The following RABGAP1L variants were observed in gnomAD, a reference collection of about 807,000 sequenced individuals.
RABGAP1L encodes rab GTPase-activating protein 1-like.
RABGAP1L carries 63 observed loss-of-function variants against 137.7 expected under a neutral mutation model. The ratio of observed to expected loss-of-function variants is 0.46; its 90% CI spans 0.37 to 0.56. RABGAP1L has a LOEUF of 0.56. Ranked by LOEUF, RABGAP1L falls within the 20% of genes least tolerant of loss-of-function variation. The pLI, the probability that RABGAP1L is intolerant of heterozygous loss-of-function variation, is 0.00. For missense variants in RABGAP1L, 1,095 were observed against 1,244.0 expected (o/e 0.88, Z 1.80); for synonymous variants, 431 against 433.7 (o/e 0.99, Z 0.08).
Position 174,531,750 on chromosome 1 carries a change from G to A in RABGAP1L, c.1711-105625G>A, listed in dbSNP as rs75099572. 8.0e-5 allele frequency among the ~76,000 whole-genome samples: 10 copies of A among 125,554 alleles called. No individual in the cohort carries two copies. The East Asian group carries it at 2.8e-3, about 35-fold the overall frequency. The allele number at this position is 125,554 out of a possible 152,430, so 82.4% of individuals were successfully genotyped here. A position where few individuals can be genotyped will look rare whatever the true frequency, so the allele number is the denominator to read the frequency against. On this transcript the variant is annotated intron_variant, in intron 13 of 25. Coordinates refer to ENST00000681986, the MANE Select transcript of RABGAP1L (RefSeq NM_001366446.1). Reference sequence around the variant, plus strand: ...TATGGTGAGATACTGTCTCGGGGGTGGGGGGGGGGAAGATATACCAAAACA... The same window carrying A: ...TATGGTGAGATACTGTCTCGGGGGTAGGGGGGGGGAAGATATACCAAAACA...
At chr1:174,310,888 C>G (rs1251107337) in intron 11 of RABGAP1L, among the ~76,000 whole-genome samples, 1 of 152,122 alleles carries the variant, frequency 6.6e-6, no homozygotes, top group Non-Finnish European at 1.5e-5. Context: ...TCATATAACT[C>G]TTTGAGTTAC....
intron 13 of RABGAP1L, among the ~76,000 whole-genome samples, chr1:174,470,563 T>C (rs776755033): frequency 1.3e-5 from 2 of 152,240 alleles, no homozygotes; most frequent in Non-Finnish European, 2.9e-5. Context: ...GGTCAGGAGT[T>C]CGAGACCAGC....
At chr1:174,497,657 C>T (rs1660865309) in intron 13 of RABGAP1L, among the ~76,000 whole-genome samples, 1 of 152,186 alleles carries the variant, frequency 6.6e-6, no homozygotes, top group African/African-American at 2.4e-5. Flanking sequence ...CTTTCCCTCC[C>T]ACTCTTTGCC....
chr1:174,699,415 C>A, intron 15 of RABGAP1L, 110 bp from the exon 16 acceptor site: 3 of 937,542 alleles, frequency 3.2e-6, no homozygotes, highest in Non-Finnish European at 4.6e-6. Context: ...ACTTCATTTG[C>A]TCCAGGCCTT....
chr1:174,660,597 G>A (rs74760131), intron 14 of RABGAP1L, among the ~76,000 whole-genome samples: 5 of 152,086 alleles, frequency 3.3e-5, no homozygotes, highest in South Asian at 2.1e-4. Flanking sequence ...ACATTCTTAC[G>A]GTGATTTACC....
intron 19 of RABGAP1L, among the ~76,000 whole-genome samples, chr1:174,865,069 G>GAGA (rs2149034332): frequency 6.6e-6 from 1 of 152,248 alleles, no homozygotes; most frequent in Admixed American, 6.5e-5. Context: ...CGTAAGCCAA[G>GAGA]AGATTGCGCC....
At chr1:174,756,190 C>G (rs1402311302) in intron 18 of RABGAP1L, among the ~76,000 whole-genome samples, 1 of 151,968 alleles carries the variant, frequency 6.6e-6, no homozygotes, top group Non-Finnish European at 1.5e-5. Flanking sequence ...GTTCTGTTGC[C>G]CAGGCTGCAG....
intron 14 of RABGAP1L, among the ~76,000 whole-genome samples, chr1:174,682,931 A>C (rs1379229662): frequency 6.6e-6 from 1 of 152,180 alleles, no homozygotes; most frequent in Non-Finnish European, 1.5e-5. Context: ...AAAGCATGGG[A>C]CAATGCTAAA....
chr1:174,598,475 G>T (rs1012852617), intron 13 of RABGAP1L, among the ~76,000 whole-genome samples: 2 of 152,088 alleles, frequency 1.3e-5, no homozygotes, highest in African/African-American at 4.8e-5. Context: ...TTTCAGTCTG[G>T]ATGATCTGTC....
In RABGAP1L at chr1:174,614,692, C is replaced by G. The variant is rs185703154; in HGVS notation, c.1711-22683C>G. Reference sequence around the variant, plus strand: ...GAGTGTTTTCCAACTTGGTTCCATTCTCCCCGTCACTTTCAGGTACACCAA... The same window carrying G: ...GAGTGTTTTCCAACTTGGTTCCATTGTCCCCGTCACTTTCAGGTACACCAA... On this transcript the variant is annotated intron_variant, in intron 13 of 25. Coordinates refer to ENST00000681986, the MANE Select transcript of RABGAP1L (RefSeq NM_001366446.1). 3.4e-3 allele frequency among the ~76,000 whole-genome samples: 516 copies of G among 152,314 alleles called. 9 individuals carry two copies. Among genetic ancestry groups the G allele is most frequent in the Admixed American group, 0.028 (434 of 15,298 alleles).
At chr1:174,325,344 A>T in intron 11 of RABGAP1L, among the ~76,000 whole-genome samples, 1 of 152,206 alleles carries the variant, frequency 6.6e-6, no homozygotes, top group East Asian at 1.9e-4. Flanking sequence ...TTAAAATGCA[A>T]TGTGGTTGGA....
At chr1:174,728,594 C>CTTTTTT (rs1294397296) in intron 17 of RABGAP1L, among the ~76,000 whole-genome samples, 10 of 114,642 alleles carry the variant, frequency 8.7e-5, no homozygotes, top group East Asian at 2.4e-4. Context: ...CTACCAGTGT[C>CTTTTTT]TTTTTTTTTT....
intron 1 of RABGAP1L, among the ~76,000 whole-genome samples, chr1:174,160,275 C>CA (rs1265030224): frequency 7.3e-6 from 1 of 136,302 alleles, no homozygotes; most frequent in South Asian, 2.3e-4. Flanking sequence ...CACCTCCCCC[C>CA]AACCCCCACC....
At chr1:174,296,060 T>C (rs554921797) in intron 10 of RABGAP1L, among the ~76,000 whole-genome samples, 1 of 152,168 alleles carries the variant, frequency 6.6e-6, no homozygotes, top group East Asian at 1.9e-4. Context: ...CAAATAAATA[T>C]AGAAGGATAA....
chr1:174,678,291 A>G (rs1313176595), intron 14 of RABGAP1L, among the ~76,000 whole-genome samples: 1 of 152,212 alleles, frequency 6.6e-6, no homozygotes, highest in East Asian at 1.9e-4. Flanking sequence ...AGATGGTTAA[A>G]GAAGAATTAA....
In RABGAP1L at chr1:174,992,476, T is replaced by C. The variant is rs192983473; in HGVS notation, c.*2475T>C. 1 of 152,074 alleles carries C rather than the reference T, an allele frequency of 6.6e-6. No individual in the cohort carries two copies. The highest frequency in any genetic ancestry group is 1.5e-5 in the Non-Finnish European group (1 of 68,014). The allele number at this position is 152,074 out of a possible 1,614,324, so 9.4% of individuals were successfully genotyped here. A position where few individuals can be genotyped will look rare whatever the true frequency, so the allele number is the denominator to read the frequency against. ...TCACCAGGTACATACCTCTCAAGTT[T>C]GATAAGTCCATCTTTTGAGTTTTCT... On this transcript the variant is annotated 3_prime_UTR_variant, in exon 26 of 26. Coordinates refer to ENST00000681986, the MANE Select transcript of RABGAP1L (RefSeq NM_001366446.1).
chr1:174,551,413 T>C (rs536775834), intron 13 of RABGAP1L, among the ~76,000 whole-genome samples: 1 of 152,066 alleles, frequency 6.6e-6, no homozygotes, highest in South Asian at 2.1e-4. Flanking sequence ...AAATGATCCA[T>C]GGGTCAAAGA....
At chr1:174,331,346 A>G (rs988229981) in intron 11 of RABGAP1L, among the ~76,000 whole-genome samples, 1 of 152,222 alleles carries the variant, frequency 6.6e-6, no homozygotes, top group African/African-American at 2.4e-5. Flanking sequence ...TCTACATCAC[A>G]CTAAAAAGCT....
intron 13 of RABGAP1L, among the ~76,000 whole-genome samples, chr1:174,543,631 G>T (rs933394479): frequency 1.3e-5 from 2 of 152,176 alleles, no homozygotes; most frequent in Non-Finnish European, 2.9e-5. Flanking sequence ...ATTTGAGCCT[G>T]TCATTATGAT....
Sources: gnomAD v4.1 joint callset for allele counts (sites outside exome capture counted in the v4.1 genomes callset) on GRCh38, gnomAD v4.1.1 for gene constraint, MANE v1.5 for transcripts, NCBI Gene and HGNC (gene_info 2026-07-23, HGNC 2026-07-21) for gene names.